Variants in BMPR1A observed in about 807,000 individuals in gnomAD.
BMPR1A encodes bone morphogenetic protein receptor type 1A.
In BMPR1A, 7 loss-of-function variants were observed where a neutral mutation model predicts 66.0. The ratio of observed to expected loss-of-function variants is 0.11; its 90% CI spans 0.06 to 0.20. BMPR1A has a LOEUF of 0.20. BMPR1A is among the 10% of genes least tolerant of loss of function. The probability of loss-of-function intolerance (pLI) is 1.00; values close to 1 mark genes in which losing one functional copy is unlikely to be tolerated. For missense variants in BMPR1A, 408 were observed against 669.1 expected (o/e 0.61, Z 4.31); for synonymous variants, 200 against 229.7 (o/e 0.87, Z 1.17).
Position 86,892,292 on chromosome 10 carries a change from C to G in BMPR1A, c.333+63C>G, listed in dbSNP as rs1236640369. ...AGGGGCCATATGAAAGCATCGATTT[C>G]CCCCAGGAGAAACATGCCTGGTGTA... On this transcript the variant is annotated intron_variant, in intron 5 of 12. Transcript: ENST00000372037. 21 of 1,339,268 alleles carry G rather than the reference C, an allele frequency of 1.6e-5. No individual in the cohort carries two copies. In the Admixed American group the frequency reaches 3.1e-4, roughly 20 times the overall value. The allele number at this position is 1,339,268 out of a possible 1,614,324, so 83.0% of individuals were successfully genotyped here.
chr10:86,828,441 G>C (rs1308991967), intron 1 of BMPR1A, among the ~76,000 whole-genome samples: 1 of 152,160 alleles, frequency 6.6e-6, no homozygotes, highest in Non-Finnish European at 1.5e-5. Flanking sequence ...AAATAAGCCA[G>C]TAAGTAAAAA....
chr10:86,877,230 CAG>C (rs1270073330), intron 3 of BMPR1A, among the ~76,000 whole-genome samples: 1 of 141,294 alleles, frequency 7.1e-6, no homozygotes, highest in Non-Finnish European at 1.5e-5. Flanking sequence ...TTTTTTGAGA[CAG>C]AGTCTCGCTC....
chr10:86,853,639 AAG>A (rs911344098), intron 2 of BMPR1A, among the ~76,000 whole-genome samples: 1 of 152,200 alleles, frequency 6.6e-6, no homozygotes, highest in African/African-American at 2.4e-5. Flanking sequence ...CAGAGTACAA[AAG>A]AGAGAAATTT....
rs1242165100 is a variant in BMPR1A, at chr10:86,799,505, CCTTTCTTTT to C, written c.-267-39355_-267-39347del. On this transcript the variant is annotated intron_variant, in intron 1 of 12. Coordinates refer to ENST00000372037, the MANE Select transcript of BMPR1A (RefSeq NM_004329.3). ...TCCTTCCTTCCTTCCTTCCTTCCTT[CCTTTCTTTT>C]CTTTTCTTTTCTTTTCTTTCTTTTC... is the stretch of plus-strand genomic sequence containing the variant. Among the ~76,000 whole-genome samples, 206 of 58,162 alleles carry C rather than the reference CCTTTCTTTT, an allele frequency of 3.5e-3. 1 individual carries two copies. Among genetic ancestry groups the C allele is most frequent in the Middle Eastern group, 9.4e-3 (1 of 106 alleles). The allele number at this position is 58,162 out of a possible 152,430, so 38.2% of individuals were successfully genotyped here.
At chr10:86,814,456 T>A (rs938379685) in intron 1 of BMPR1A, among the ~76,000 whole-genome samples, 1 of 152,256 alleles carries the variant, frequency 6.6e-6, no homozygotes, top group Non-Finnish European at 1.5e-5. Flanking sequence ...GTTTTTAGAA[T>A]TATCTTCCTT....
intron 1 of BMPR1A, among the ~76,000 whole-genome samples, chr10:86,830,982 T>C (rs1247778134): frequency 1.3e-5 from 2 of 152,318 alleles, no homozygotes; most frequent in East Asian, 3.9e-4. Context: ...ATAAGTGGAA[T>C]CATATGTCTG....
intron 11 of BMPR1A, among the ~76,000 whole-genome samples, chr10:86,922,559 G>A (rs547515501): frequency 6.6e-6 from 1 of 152,332 alleles, no homozygotes; most frequent in East Asian, 1.9e-4. Flanking sequence ...ATTTATCCCA[G>A]TGAAAGGATA....
chr10:86,810,862 CTT>C (rs1375359855), intron 1 of BMPR1A, among the ~76,000 whole-genome samples: 2 of 151,970 alleles, frequency 1.3e-5, no homozygotes, highest in Admixed American at 6.6e-5. Flanking sequence ...CTTGAGTTGT[CTT>C]TTCACTTTCT....
chr10:86,918,589 A>G (rs1358528791), intron 9 of BMPR1A, among the ~76,000 whole-genome samples: 1 of 151,618 alleles, frequency 6.6e-6, no homozygotes, highest in Non-Finnish European at 1.5e-5. Flanking sequence ...GGTTATTTGT[A>G]TAATATGTCA....
chr10:86,903,241 C>T (rs1197173437), intron 7 of BMPR1A, among the ~76,000 whole-genome samples: 1 of 152,034 alleles, frequency 6.6e-6, no homozygotes, highest in Non-Finnish European at 1.5e-5. Flanking sequence ...AAACCACTGA[C>T]CCAGAACTGA....
At position 86,923,513 on chromosome 10, in the gene BMPR1A, G is replaced by T. The variant is rs2133622731; in HGVS notation, c.1473+7G>T. On this transcript the variant is annotated splice_region_variant and intron_variant, in intron 12 of 12. Transcript: ENST00000372037. ...TCGGTGGAACAGTGATGAAGTGAGT[G>T]GAACTCAGTCCCCTGAAGAAGTGAT... The T allele has an allele frequency of 6.2e-7, 1 of 1,614,160 alleles. No homozygotes were observed. Among genetic ancestry groups the T allele is most frequent in the Non-Finnish European group, 8.5e-7 (1 of 1,180,024 alleles).
At chr10:86,782,746 G>A (rs1436777643) in intron 1 of BMPR1A, among the ~76,000 whole-genome samples, 1 of 151,072 alleles carries the variant, frequency 6.6e-6, no homozygotes, top group African/African-American at 2.4e-5. Flanking sequence ...TTTTATTCTG[G>A]ATATTAAACC....
chr10:86,811,611 G>T (rs981271327), intron 1 of BMPR1A, among the ~76,000 whole-genome samples: 1 of 152,142 alleles, frequency 6.6e-6, no homozygotes, highest in Non-Finnish European at 1.5e-5. Flanking sequence ...CAAGAGGTGT[G>T]ATCAGATTCT....
intron 1 of BMPR1A, among the ~76,000 whole-genome samples, chr10:86,808,494 C>T (rs544157682): frequency 1.3e-5 from 2 of 151,830 alleles, no homozygotes; most frequent in Non-Finnish European, 2.9e-5. Context: ...AGCTTTGGTC[C>T]ATTCAACTTA....
chr10:86,764,224 T>C (rs545219676), intron 1 of BMPR1A, among the ~76,000 whole-genome samples: 1 of 150,784 alleles, frequency 6.6e-6, no homozygotes, highest in East Asian at 1.9e-4. Flanking sequence ...TATAAGAATG[T>C]TTTAGATTCC....
intron 8 of BMPR1A, among the ~76,000 whole-genome samples, chr10:86,916,507 G>A (rs765428739): frequency 5.9e-5 from 9 of 152,196 alleles, no homozygotes; most frequent in Admixed American, 3.3e-4. Flanking sequence ...GTCTTTGCTT[G>A]CATCACGTTC....
rs192529293 is a variant in BMPR1A, at chr10:86,760,072, T to C, written c.-268+3153T>C. Among the ~76,000 whole-genome samples the C allele has an allele frequency of 0.011, 1,645 of 150,984 alleles. 28 individuals carry two copies. Among genetic ancestry groups the C allele is most frequent in the Non-Finnish European group, 0.012 (813 of 67,794 alleles). On this transcript the variant is annotated intron_variant, in intron 1 of 12. Transcript: ENST00000372037. ...CACTTTTCTCCTTTATCTAATCTTA[T>C]GTATTTCTGCCTAAATTAATCTGTA... is the stretch of plus-strand genomic sequence containing the variant.
intron 3 of BMPR1A, among the ~76,000 whole-genome samples, chr10:86,885,293 C>T (rs1239888924): frequency 1.3e-5 from 2 of 152,114 alleles, no homozygotes; most frequent in African/African-American, 4.8e-5. Context: ...TTTTATTATC[C>T]ATAAGTAATT....
intron 1 of BMPR1A, among the ~76,000 whole-genome samples, chr10:86,780,461 G>A (rs1223501319): frequency 6.6e-6 from 1 of 151,884 alleles, no homozygotes; most frequent in Non-Finnish European, 1.5e-5. Context: ...TTGAGACGGA[G>A]TCTTGCTCTG....
Sources: gnomAD v4.1 joint callset for allele counts (sites outside exome capture counted in the v4.1 genomes callset) on GRCh38, gnomAD v4.1.1 for gene constraint, MANE v1.5 for transcripts, NCBI Gene and HGNC (gene_info 2026-07-23, HGNC 2026-07-21) for gene names.